PTPRF: variants seen among roughly 807,000 people sequenced by gnomAD.
The protein encoded by PTPRF is protein tyrosine phosphatase receptor type F, also known as receptor-type tyrosine-protein phosphatase F.
A neutral mutation model predicts 201.8 loss-of-function variants in PTPRF; 59 were observed. The observed-to-expected ratio is 0.29, with a 90% CI of 0.24 to 0.36. The LOEUF is 0.36. PTPRF is among the 10% of genes least tolerant of loss of function. PTPRF has a pLI of 1.00. For missense variants in PTPRF, 2,132 were observed against 2,690.5 expected (o/e 0.79, Z 4.59); for synonymous variants, 1,088 against 1,089.7 (o/e 1.00, Z 0.03).
intron 11 of PTPRF, among the ~76,000 whole-genome samples, chr1:43,595,467 G>A (rs910298924): frequency 5.9e-5 from 9 of 152,262 alleles, no homozygotes; most frequent in South Asian, 2.1e-4. Flanking sequence ...TGATCCGCCC[G>A]CCTCGACCTC....
rs559214265 is a variant in PTPRF, at chr1:43,604,057, A to G, written c.2905A>G (p.Thr969Ala). Residue 969 changes from threonine (T) to alanine (A), a missense_variant, in exon 16 of 34, where the codon ACA becomes GCA. Thr to Ala is a moderately conservative substitution (Grantham distance 58, BLOSUM62 0). Coordinates refer to ENST00000359947, the MANE Select transcript of PTPRF (RefSeq NM_002840.5). ...CCAACAGGAGCTGCAGAACATCACG[A>G]CAGACACCCGCTTTACCCTTACTGG... ...NSQQELQNITTDTRFTLTGLK... is the reference protein window; with the variant it reads ...NSQQELQNITADTRFTLTGLK... 6.2e-7 allele frequency: 1 copy of G among 1,614,234 alleles called. No homozygotes were observed. The highest frequency in any genetic ancestry group is 1.1e-5 in the South Asian group (1 of 91,082).
At chr1:43,569,559 C>G (rs1347300554) in intron 5 of PTPRF, 31 bp from the exon 6 acceptor site, 9 of 1,566,042 alleles carry the variant, frequency 5.7e-6, no homozygotes, top group Non-Finnish European at 7.8e-6. Flanking sequence ...GCAGAGCCAG[C>G]CCTAATACAC....
At chr1:43,565,012 C>T (rs1345820230) in intron 5 of PTPRF, among the ~76,000 whole-genome samples, 2 of 152,166 alleles carry the variant, frequency 1.3e-5, no homozygotes, top group Non-Finnish European at 2.9e-5. Flanking sequence ...CCAACACATG[C>T]CCCAGCTCCC....
chr1:43,574,972 A>T (rs1211453930), intron 6 of PTPRF, among the ~76,000 whole-genome samples: 1 of 152,216 alleles, frequency 6.6e-6, no homozygotes, highest in Non-Finnish European at 1.5e-5. Flanking sequence ...GTCAAGTTCC[A>T]TGAAACGGAT....
rs555854470 is a variant in PTPRF, at chr1:43,543,533, C to T, written c.-45-1498C>T. Among the ~76,000 whole-genome samples the T allele has an allele frequency of 2.0e-5, 3 of 152,318 alleles. No homozygotes were observed. In the South Asian group the frequency reaches 6.2e-4, roughly 32 times the overall value. ...ATCCTGGGACAGGGGACAACTCTCA[C>T]CCCTTTTCCTTTGTGTTTGGCCCCA... On this transcript the variant is annotated intron_variant, in intron 2 of 33. Coordinates refer to ENST00000359947, the MANE Select transcript of PTPRF (RefSeq NM_002840.5).
At chr1:43,564,362 G>A (rs1437633364) in intron 5 of PTPRF, among the ~76,000 whole-genome samples, 1 of 152,152 alleles carries the variant, frequency 6.6e-6, no homozygotes, top group Non-Finnish European at 1.5e-5. Flanking sequence ...CAGCAGCCCT[G>A]CCACCTACGA....
At chr1:43,605,972 T>G (rs1320874030) in intron 19 of PTPRF, among the ~76,000 whole-genome samples, 1 of 152,162 alleles carries the variant, frequency 6.6e-6, no homozygotes, top group Non-Finnish European at 1.5e-5. Context: ...ATGTTTGAAA[T>G]CCTTCAGTCC....
chr1:43,524,261 G>A (rs1027645460), upstream of PTPRF, among the ~76,000 whole-genome samples: 3 of 152,096 alleles, frequency 2.0e-5, no homozygotes, highest in South Asian at 2.1e-4. Flanking sequence ...TACAATGTTC[G>A]ATATTCAGAT....
chr1:43,541,224 C>T (rs1644342324), intron 2 of PTPRF, among the ~76,000 whole-genome samples: 1 of 152,222 alleles, frequency 6.6e-6, no homozygotes, highest in South Asian at 2.1e-4. Flanking sequence ...TATTTGGAGA[C>T]TAATTAATAT....
intron 13 of PTPRF, 97 bp downstream of exon 13, chr1:43,599,010 G>C: frequency 7.6e-7 from 1 of 1,315,132 alleles, no homozygotes; most frequent in Non-Finnish European, 1.0e-6. Context: ...TCCCCTGCCT[G>C]CCCTCAGCAG....
At chr1:43,612,814 G>T in intron 22 of PTPRF, 1 of 1,363,624 alleles carries the variant, frequency 7.3e-7, no homozygotes, top group Non-Finnish European at 9.8e-7. Context: ...AGTTTTCAAA[G>T]TTCCCGTGTT....
Position 43,545,020 on chromosome 1 carries a change from C to G in PTPRF, c.-45-11C>G. The G allele has an allele frequency of 6.8e-7, 1 of 1,476,928 alleles. No individual in the cohort carries two copies. Among genetic ancestry groups the G allele is most frequent in the Non-Finnish European group, 9.2e-7 (1 of 1,086,810 alleles). The allele number at this position is 1,476,928 out of a possible 1,614,324, so 91.5% of individuals were successfully genotyped here. The stretch of plus-strand genomic sequence containing the variant: ...ACCAGCTAACTGGCTCTGCCCTTCT[C>G]TCCATTACAGGTTGATTGTCCTGGG... On this transcript the variant is annotated splice_polypyrimidine_tract_variant and intron_variant, in intron 2 of 33. Transcript: ENST00000359947.
chr1:43,596,125 G>A (rs941381630), intron 11 of PTPRF, among the ~76,000 whole-genome samples: 2 of 152,172 alleles, frequency 1.3e-5, no homozygotes, highest in African/African-American at 2.4e-5. Context: ...GTGGTAGACC[G>A]TGGAAGCTGA....
chr1:43,607,701 C>G (rs911248448), intron 21 of PTPRF, among the ~76,000 whole-genome samples: 2 of 152,276 alleles, frequency 1.3e-5, no homozygotes, highest in African/African-American at 4.8e-5. Context: ...ACACTCCTGA[C>G]ATTGCGACAC....
chr1:43,614,831 G>A (rs1310350135), intron 23 of PTPRF, among the ~76,000 whole-genome samples: 1 of 151,690 alleles, frequency 6.6e-6, no homozygotes, highest in Non-Finnish European at 1.5e-5. Flanking sequence ...CAGCCTGGGT[G>A]ACAGAGTGAG....
In PTPRF at chr1:43,621,150, G is replaced by T; in HGVS notation, c.5573G>T (p.Arg1858Leu). The change falls in exon 33 of 34, where the codon CGC becomes CTC. Residue 1858 changes from arginine to leucine, a missense_variant. By Grantham distance (102) the Arg-to-Leu change is moderately radical. Coordinates refer to ENST00000359947, the MANE Select transcript of PTPRF (RefSeq NM_002840.5). The part of the protein sequence containing the change: ...VFITLSIVLE[R>L]MRYEGVVDMF... Reference sequence around the variant, plus strand: ...ATCACTCTGAGCATCGTCCTGGAGCGCATGCGCTACGAGGGCGTGGTCGAC... The same window carrying T: ...ATCACTCTGAGCATCGTCCTGGAGCTCATGCGCTACGAGGGCGTGGTCGAC... 1 of 1,614,092 alleles carries T rather than the reference G, an allele frequency of 6.2e-7. No individual in the cohort carries two copies. Among genetic ancestry groups the T allele is most frequent in the South Asian group, 1.1e-5 (1 of 91,078 alleles).
intron 5 of PTPRF, among the ~76,000 whole-genome samples, chr1:43,567,168 T>C (rs1646242523): frequency 6.6e-6 from 1 of 152,040 alleles, no homozygotes; most frequent in Admixed American, 6.5e-5. Flanking sequence ...GTTAGACTGG[T>C]GCTCTGGAGG....
chr1:43,577,483 C>T (rs1162045897), intron 6 of PTPRF, among the ~76,000 whole-genome samples: 1 of 152,226 alleles, frequency 6.6e-6, no homozygotes, highest in Non-Finnish European at 1.5e-5. Context: ...GCTGCCAGCC[C>T]CCTGGGGGTT....
intron 2 of PTPRF, among the ~76,000 whole-genome samples, chr1:43,544,666 C>G (rs1644549149): frequency 6.6e-6 from 1 of 152,216 alleles, no homozygotes; most frequent in Non-Finnish European, 1.5e-5. Context: ...TTTCCCTGTC[C>G]TCTTATGGGG....
Sources: gnomAD v4.1 joint callset for allele counts (sites outside exome capture counted in the v4.1 genomes callset) on GRCh38, gnomAD v4.1.1 for gene constraint, MANE v1.5 for transcripts, NCBI Gene and HGNC (gene_info 2026-07-23, HGNC 2026-07-21) for gene names.